The following MTCL1 variants were observed in gnomAD, a reference collection of about 807,000 sequenced individuals.
MTCL1 encodes microtubule cross-linking factor 1.
MTCL1 carries 79 observed loss-of-function variants against 141.4 expected under a neutral mutation model. The observed-to-expected ratio is 0.56, with a 90% confidence interval of 0.47 to 0.67. MTCL1 has a LOEUF of 0.67. Among genes scored for constraint, MTCL1 ranks in the 30% least tolerant of loss-of-function variants. The probability of loss-of-function intolerance (pLI) is 0.00; values close to 1 mark genes in which losing one functional copy is unlikely to be tolerated. For missense variants in MTCL1, 2,177 were observed against 2,113.9 expected (o/e 1.03, Z -0.59); for synonymous variants, 914 against 875.8 (o/e 1.04, Z -0.77).
At chr18:8,792,410 G>A (rs603764) in intron 7 of MTCL1, among the ~76,000 whole-genome samples, 73,099 of 152,046 alleles carry the variant, frequency 0.48, 18,359 homozygotes, top group African/African-American at 0.63. Flanking sequence ...AACATGTGCC[G>A]TTGGGAGGCC....
chr18:8,790,553 C>T (rs957092913), intron 7 of MTCL1, among the ~76,000 whole-genome samples: 2 of 152,238 alleles, frequency 1.3e-5, no homozygotes, highest in African/African-American at 4.8e-5. Context: ...GATGTGGCCG[C>T]TGTGTTTACT....
At chr18:8,831,795 C>T in exon 17 of MTCL1, 6 of 1,550,210 alleles carry the variant, frequency 3.9e-6, no homozygotes, top group Non-Finnish European at 5.2e-6. Context: ...AGCAGCCACA[C>T]CGAGATGCAA....
chr18:8,813,460 T>C (rs1164843664), intron 12 of MTCL1, among the ~76,000 whole-genome samples: 2 of 147,942 alleles, frequency 1.4e-5, no homozygotes, highest in East Asian at 4.2e-4. Flanking sequence ...AACTCTCCTA[T>C]GTGTACATGT....
At chr18:8,786,113 C>G (rs761812663) in intron 7 of MTCL1, 22 bp downstream of exon 6, 8 of 1,383,504 alleles carry the variant, frequency 5.8e-6, no homozygotes, top group Admixed American at 2.6e-5. Context: ...CAAGCAATCC[C>G]CCCCCCCCGC....
At chr18:8,718,787 C>A in intron 3 of MTCL1, 139 bp downstream of exon 2, 1 of 721,900 alleles carries the variant, frequency 1.4e-6, no homozygotes, top group Non-Finnish European at 2.3e-6. Context: ...TGCTTTATGG[C>A]TTATAGAGTG....
intron 4 of MTCL1, among the ~76,000 whole-genome samples, chr18:8,750,638 C>T (rs2096366056): frequency 6.6e-6 from 1 of 152,182 alleles, no homozygotes; most frequent in Non-Finnish European, 1.5e-5. Context: ...CCAACCTGGA[C>T]CCCAAATGCC....
chr18:8,764,222 G>A (rs2096447694), intron 4 of MTCL1, among the ~76,000 whole-genome samples: 2 of 151,984 alleles, frequency 1.3e-5, no homozygotes, highest in South Asian at 4.2e-4. Flanking sequence ...AATCATAATT[G>A]GCAGGGTAAT....
chr18:8,797,504 G>A (rs1427194874), intron 9 of MTCL1, among the ~76,000 whole-genome samples: 1 of 152,244 alleles, frequency 6.6e-6, no homozygotes, highest in African/African-American at 2.4e-5. Flanking sequence ...CTGGCGTTCT[G>A]TGTATTCTGT....
chr18:8,720,538 A>G (rs1212430693), intron 4 of MTCL1, 42 bp downstream of exon 3: 5 of 1,585,994 alleles, frequency 3.2e-6, no homozygotes, highest in East Asian at 2.2e-5. Context: ...TGGATTTAAT[A>G]AGGAGGAGCT....
rs146743318 is a variant in MTCL1, at chr18:8,731,989, G to A, written c.357+11493G>A. 5.6e-3 allele frequency among the ~76,000 whole-genome samples: 849 copies of A among 152,328 alleles called. 16 individuals are homozygous for A. In the East Asian group the frequency reaches 0.063, roughly 11 times the overall value. On this transcript the variant is annotated intron_variant, in intron 4 of 16. Transcript: ENST00000359865. ...CTCCCAAAGTGCTGGGATTACAGGC[G>A]TGAGCCACTGTGTCCCGCCTCAAAA...
In MTCL1 at chr18:8,718,665, T is replaced by C. The variant is rs1248198123; in HGVS notation, c.198+17T>C. On this transcript the variant is annotated intron_variant, in intron 3 of 16. Coordinates refer to ENST00000359865, the Ensembl canonical transcript of MTCL1. ...GACTTGAAGGTGAGTGAGGGGGTGG[T>C]GCGTGCACCTCGCAAGGCTGCTGTG... 1 of 1,610,430 alleles carries C rather than the reference T, an allele frequency of 6.2e-7. No homozygotes were observed. Among genetic ancestry groups the C allele is most frequent in the East Asian group, 2.2e-5 (1 of 44,872 alleles).
At chr18:8,815,411 AT>A (rs1316716059) in intron 12 of MTCL1, among the ~76,000 whole-genome samples, 1 of 152,068 alleles carries the variant, frequency 6.6e-6, no homozygotes, top group African/African-American at 2.4e-5. Flanking sequence ...ATAGGTGGGA[AT>A]TGAACAGTGA....
rs147491843 is a variant in MTCL1, at chr18:8,801,042, G to A, written c.2436+2751G>A. Reference sequence around the variant, plus strand: ...CCTCATCCAGTCCAGCCTCAGGACTGAGTAGACTCCACTTCCCTGGACCTC... The same window carrying A: ...CCTCATCCAGTCCAGCCTCAGGACTAAGTAGACTCCACTTCCCTGGACCTC... On this transcript the variant is annotated intron_variant, in intron 10 of 16. Coordinates refer to ENST00000359865, the Ensembl canonical transcript of MTCL1. 1.1e-4 allele frequency among the ~76,000 whole-genome samples: 17 copies of A among 152,314 alleles called. No individual in the cohort carries two copies. In the East Asian group the frequency reaches 3.1e-3, roughly 28 times the overall value.
rs2077174599 is a variant in MTCL1 at position 8,830,951 on chromosome 18, CATTCTG to C, written c.*19-650_*19-645del. 4.1e-6 allele frequency: 4 copies of C among 985,584 alleles called. No individual in the cohort carries two copies. Among genetic ancestry groups the C allele is most frequent in the Admixed American group, 6.1e-5 (1 of 16,290 alleles). The allele number at this position is 985,584 out of a possible 1,614,324, so 61.1% of individuals were successfully genotyped here. ...TGCCTGAAACACAAAACCACCAGTA[CATTCTG>C]ATTCTACCTTTTTAAAATGCTGCTG... On this transcript the variant is annotated intron_variant, in intron 16 of 16. Coordinates refer to ENST00000359865, the Ensembl canonical transcript of MTCL1. The surrounding 1 kb of genome is among the most constrained non-coding windows in gnomAD (Gnocchi z 6.4).
chr18:8,705,779 G>C lies in MTCL1; in HGVS notation c.119G>C (p.Arg40Pro). The change falls in exon 1 of 14, where the codon CGT becomes CCT. Residue 40 changes from arginine to proline, a missense_variant. Coordinates refer to the MTCL1 transcript ENST00000306329. This position sits in a 1 kb window ranked among gnomAD's most constrained non-coding sequence, Gnocchi z 5.2. Reference sequence around the variant, plus strand: ...GTGGCCGAAAGGCGGCGGCTGCACCGTGCGCCCTCGCCCGCCAGACCCTTC... The same window carrying C: ...GTGGCCGAAAGGCGGCGGCTGCACCCTGCGCCCTCGCCCGCCAGACCCTTC... 1 of 1,197,934 alleles carries C rather than the reference G, an allele frequency of 8.3e-7. No homozygotes were observed. Among genetic ancestry groups the C allele is most frequent in the Non-Finnish European group, 1.0e-6 (1 of 965,584 alleles). The allele number at this position is 1,197,934 out of a possible 1,614,324, so 74.2% of individuals were successfully genotyped here. A position where few individuals can be genotyped will look rare whatever the true frequency, so the allele number is the denominator to read the frequency against.
chr18:8,706,479 C>T, exon 1 of MTCL1: 1 of 1,267,798 alleles, frequency 7.9e-7, no homozygotes. Flanking sequence ...TCGCCGCGCC[C>T]CTCGCCGCGG....
chr18:8,831,319 G>C lies in MTCL1; in HGVS notation c.*19-288G>C. ...CCACAGTCACTGTGTCATGCCTTCTGTATACCCCAGCCCAATTCTAAAGGA... is the reference window on the plus strand; with the variant it reads ...CCACAGTCACTGTGTCATGCCTTCTCTATACCCCAGCCCAATTCTAAAGGA... On this transcript the variant is annotated intron_variant, in intron 16 of 16. Transcript: ENST00000359865. 4.8e-6 allele frequency: 6 copies of C among 1,240,426 alleles called. No homozygotes were observed. The South Asian group carries it at 1.1e-4, about 23-fold the overall frequency. The allele number at this position is 1,240,426 out of a possible 1,614,324, so 76.8% of individuals were successfully genotyped here. A position where few individuals can be genotyped will look rare whatever the true frequency, so the allele number is the denominator to read the frequency against.
At chr18:8,780,117 A>G (rs550656094) in intron 5 of MTCL1, among the ~76,000 whole-genome samples, 77 of 152,080 alleles carry the variant, frequency 5.1e-4, no homozygotes, top group African/African-American at 1.8e-3. Flanking sequence ...TCCTTCCCCA[A>G]TTTTTCACTT....
At chr18:8,825,306 G>A (rs373385826) in exon 15 of MTCL1, 2 of 1,541,166 alleles carry the variant, frequency 1.3e-6, no homozygotes, top group African/African-American at 2.7e-5. Context: ...TACCTCCCTG[G>A]GGTTTGCCTC....
Sources: gnomAD v4.1 joint callset for allele counts (sites outside exome capture counted in the v4.1 genomes callset) on GRCh38, gnomAD v4.1.1 for gene constraint, Gnocchi (gnomAD v3.1) non-coding constraint, MANE v1.5 for transcripts, NCBI Gene and HGNC (gene_info 2026-07-23, HGNC 2026-07-21) for gene names.